Variants in PID1 observed in about 807,000 individuals in gnomAD.
The protein encoded by PID1 is phosphotyrosine interaction domain containing 1.
Under a neutral mutation model 19.1 loss-of-function variants are expected in PID1, and 10 were observed. The ratio of observed to expected loss-of-function variants is 0.52; its 90% CI spans 0.32 to 0.89. PID1 has a LOEUF of 0.89. Ranked by LOEUF, PID1 falls within the 40% of genes least tolerant of loss-of-function variation. The pLI is 0.03. For missense variants in PID1, 248 were observed against 285.3 expected (o/e 0.87, Z 0.94); for synonymous variants, 130 against 116.0 (o/e 1.12, Z -0.78).
rs1559274555 is a variant in PID1 at position 229,184,493 on chromosome 2, C to CGT, written c.31-28531_31-28530dup. Reference sequence around the variant, plus strand: ...ATATATATCCCGTATATATATATACCGTATATATATATATCCCGTATATAT... The same window carrying CGT: ...ATATATATCCCGTATATATATATACCGTGTATATATATATATCCCGTATATAT... On this transcript the variant is annotated intron_variant, in intron 1 of 2. Transcript: ENST00000392055. 1.5e-4 allele frequency among the ~76,000 whole-genome samples: 2 copies of CGT among 13,250 alleles called. 1 individual carries two copies. Among genetic ancestry groups the CGT allele is most frequent in the Non-Finnish European group, 2.3e-4 (2 of 8,524 alleles). The allele number at this position is 13,250 out of a possible 152,430, so 8.7% of individuals were successfully genotyped here.
At chr2:229,138,694 G>A (rs1689906848) in intron 2 of PID1, among the ~76,000 whole-genome samples, 1 of 152,060 alleles carries the variant, frequency 6.6e-6, no homozygotes, top group African/African-American at 2.4e-5. Context: ...CATAGTTTGA[G>A]CAAACAGACC....
chr2:229,235,526 A>G (rs1343705553), intron 1 of PID1, among the ~76,000 whole-genome samples: 5 of 152,018 alleles, frequency 3.3e-5, no homozygotes, highest in Non-Finnish European at 7.4e-5. Context: ...TCTGTTTAAG[A>G]TTTATTTTCA....
chr2:229,247,221 T>C (rs916114497), intron 1 of PID1, among the ~76,000 whole-genome samples: 2 of 152,138 alleles, frequency 1.3e-5, no homozygotes, highest in South Asian at 2.1e-4. Flanking sequence ...TTAAAGGACA[T>C]AGACATTTCC....
intron 2 of PID1, among the ~76,000 whole-genome samples, chr2:229,076,898 T>G (rs1694569794): frequency 6.6e-6 from 1 of 152,226 alleles, no homozygotes; most frequent in Non-Finnish European, 1.5e-5. Context: ...TATAAACCTT[T>G]GGGTATATAC....
At chr2:229,140,384 C>T (rs1034180075) in intron 2 of PID1, among the ~76,000 whole-genome samples, 5 of 152,056 alleles carry the variant, frequency 3.3e-5, no homozygotes, top group African/African-American at 1.2e-4. Context: ...TTACAGTCCA[C>T]ATTCGCTCAC....
rs1192138534 is a variant in PID1 at position 229,167,444 on chromosome 2, C to CA, written c.31-11481dup. On this transcript the variant is annotated intron_variant, in intron 1 of 2. Coordinates refer to ENST00000392055, the MANE Select transcript of PID1 (RefSeq NM_001100818.2). ...AACGCCACTTCTGTAGTAGTCCTGC[C>CA]AAAAAATGCATAACCTGAATGTGAT... Among the ~76,000 whole-genome samples, 23 of 151,974 alleles carry CA rather than the reference C, an allele frequency of 1.5e-4. No individual in the cohort carries two copies. In the East Asian group the frequency reaches 4.1e-3, roughly 27 times the overall value.
chr2:229,100,506 A>G (rs1695054259), intron 2 of PID1, among the ~76,000 whole-genome samples: 1 of 152,192 alleles, frequency 6.6e-6, no homozygotes, highest in African/African-American at 2.4e-5. Context: ...GGTGAAACTT[A>G]CATTAAAAAA....
intron 2 of PID1, among the ~76,000 whole-genome samples, chr2:229,107,431 G>T (rs2106144364): frequency 6.7e-6 from 1 of 150,200 alleles, no homozygotes; most frequent in East Asian, 2.0e-4. Context: ...CCACAAAATT[G>T]CCAGCTCCTC....
intron 1 of PID1, among the ~76,000 whole-genome samples, chr2:229,219,470 C>T (rs183602489): frequency 7.9e-4 from 120 of 152,318 alleles, no homozygotes; most frequent in African/African-American, 2.8e-3. Context: ...ATTCAATCAC[C>T]TCCCACTGGG....
chr2:229,233,707 G>T (rs1267662177), intron 1 of PID1, among the ~76,000 whole-genome samples: 1 of 152,096 alleles, frequency 6.6e-6, no homozygotes, highest in Non-Finnish European at 1.5e-5. Context: ...GGCCAGGTTG[G>T]TCTGGAACTC....
chr2:229,115,165 G>C (rs1201946796), intron 2 of PID1, among the ~76,000 whole-genome samples: 1 of 152,122 alleles, frequency 6.6e-6, no homozygotes, highest in East Asian at 1.9e-4. Flanking sequence ...TTAGGGTTAA[G>C]GTTAGGTACA....
At chr2:229,180,210 A>C (rs1300162020) in intron 1 of PID1, among the ~76,000 whole-genome samples, 1 of 152,176 alleles carries the variant, frequency 6.6e-6, no homozygotes, top group Non-Finnish European at 1.5e-5. Flanking sequence ...ACCTTAGGCA[A>C]TGCACAGAAC....
chr2:229,085,695 T>C (rs1694750770), intron 2 of PID1, among the ~76,000 whole-genome samples: 1 of 152,160 alleles, frequency 6.6e-6, no homozygotes, highest in African/African-American at 2.4e-5. Context: ...GAAAAGTAGA[T>C]TCCATCAATC....
chr2:229,220,622 G>C (rs569273653), intron 1 of PID1, among the ~76,000 whole-genome samples: 1 of 152,166 alleles, frequency 6.6e-6, no homozygotes, highest in African/African-American at 2.4e-5. Context: ...AGTTCAGTCG[G>C]CCCCCCTGCA....
intron 2 of PID1, among the ~76,000 whole-genome samples, chr2:229,138,281 T>C (rs1210096764): frequency 6.6e-6 from 1 of 152,160 alleles, no homozygotes; most frequent in Non-Finnish European, 1.5e-5. Flanking sequence ...GTAAAAACTG[T>C]GCTCTAAAAA....
chr2:229,111,626 A>G (rs780320272), intron 2 of PID1, among the ~76,000 whole-genome samples: 1 of 152,198 alleles, frequency 6.6e-6, no homozygotes, highest in Non-Finnish European at 1.5e-5. Context: ...GAATACTTTT[A>G]CTTGTCTTTT....
chr2:229,254,419 C>T lies in PID1; in HGVS notation c.30+16595G>A, dbSNP rs773362015. On this transcript the variant is annotated intron_variant, in intron 1 of 2. Transcript: ENST00000392055. ...CAACTAATGCTATTACCCAAGTCTG[C>T]GTTACAATGTCCCATATAAAGAACC... is the stretch of plus-strand genomic sequence containing the variant. Among the ~76,000 whole-genome samples the T allele has an allele frequency of 6.6e-5, 10 of 152,272 alleles. 1 individual carries two copies. The highest frequency in any genetic ancestry group is 6.8e-3 in the Middle Eastern group (2 of 294).
At chr2:229,190,665 T>C (rs543734524) in intron 1 of PID1, among the ~76,000 whole-genome samples, 2 of 152,378 alleles carry the variant, frequency 1.3e-5, no homozygotes, top group African/African-American at 4.8e-5. Context: ...CTGCTGATAC[T>C]ATATTGGGCA....
Position 229,067,484 on chromosome 2 carries a change from AC to A in PID1, c.178-41377del, listed in dbSNP as rs1208284920. The stretch of plus-strand genomic sequence containing the variant: ...TTCCTTCTTTTGTGAAATTGAGGCC[AC>A]TGACTTCCCTCCATTGCAGCTTGTA... On this transcript the variant is annotated intron_variant, in intron 2 of 2. Transcript: ENST00000392055. Among the ~76,000 whole-genome samples the A allele has an allele frequency of 2.0e-5, 3 of 152,166 alleles. No individual in the cohort carries two copies. In the South Asian group the frequency reaches 6.2e-4, roughly 32 times the overall value.
Sources: gnomAD v4.1 joint callset for allele counts (sites outside exome capture counted in the v4.1 genomes callset) on GRCh38, gnomAD v4.1.1 for gene constraint, MANE v1.5 for transcripts, NCBI Gene and HGNC (gene_info 2026-07-23, HGNC 2026-07-21) for gene names.